ZRANB3: variants seen among roughly 807,000 people sequenced by gnomAD.
ZRANB3 encodes the protein zinc finger RANBP2-type containing 3, also known as DNA annealing helicase and endonuclease ZRANB3.
ZRANB3 carries 125 observed loss-of-function variants against 133.8 expected under a neutral mutation model. That is an observed-to-expected ratio of 0.93 (90% CI 0.81 to 1.08). The LOEUF (loss-of-function observed/expected upper bound fraction) is 1.08. ZRANB3 is among the 50% of genes least tolerant of loss of function. ZRANB3 has a pLI of 0.00. For missense variants in ZRANB3, 1,229 were observed against 1,275.5 expected, an observed-to-expected ratio of 0.96 and a Z score of 0.56; for synonymous variants, 387 against 432.7, an observed-to-expected ratio of 0.89 and a Z score of 1.31.
Position 135,414,684 on chromosome 2 carries a change from A to C in ZRANB3, c.162-23864T>G, listed in dbSNP as rs951193945. Among the ~76,000 whole-genome samples, 5 of 152,276 alleles carry C rather than the reference A, an allele frequency of 3.3e-5. No individual in the cohort carries two copies. The South Asian group carries it at 1.0e-3, about 32-fold the overall frequency. ...CAGCACCACACCACACCTATTCCAA[A>C]ATTGACCACATACTTGGAAGTAAAG... On this transcript the variant is annotated intron_variant, in intron 2 of 20. Transcript: ENST00000264159.
At chr2:135,526,545 G>A (rs956536254) in intron 1 of ZRANB3, among the ~76,000 whole-genome samples, 1 of 152,096 alleles carries the variant, frequency 6.6e-6, no homozygotes, top group Non-Finnish European at 1.5e-5. Context: ...CATCAGGGGG[G>A]TTTTATTTGA....
chr2:135,483,704 A>C (rs1691953818), intron 2 of ZRANB3, among the ~76,000 whole-genome samples: 1 of 152,052 alleles, frequency 6.6e-6, no homozygotes, highest in South Asian at 2.1e-4. Flanking sequence ...TTGTGATGTT[A>C]GGGTGTCAAT....
intron 2 of ZRANB3, among the ~76,000 whole-genome samples, chr2:135,433,751 C>T (rs1411916455): frequency 6.6e-6 from 1 of 152,174 alleles, no homozygotes; most frequent in Non-Finnish European, 1.5e-5. Flanking sequence ...AATACCGGCA[C>T]TTTGGGAGGC....
chr2:135,265,929 G>T (rs1355547090), intron 11 of ZRANB3, among the ~76,000 whole-genome samples: 1 of 152,148 alleles, frequency 6.6e-6, no homozygotes, highest in Non-Finnish European at 1.5e-5. Context: ...CCTGAAACAC[G>T]CCAGGTGCAG....
chr2:135,454,049 C>T (rs1001957137), intron 2 of ZRANB3, among the ~76,000 whole-genome samples: 3 of 152,184 alleles, frequency 2.0e-5, no homozygotes, highest in Admixed American at 1.3e-4. Flanking sequence ...TACATGGTGG[C>T]AGCAAAAGAA....
chr2:135,222,801 T>A (rs148189599), intron 15 of ZRANB3, among the ~76,000 whole-genome samples: 104 of 152,228 alleles, frequency 6.8e-4, no homozygotes, highest in African/African-American at 2.5e-3. Flanking sequence ...TCTTAAAATA[T>A]GCATTTACTC....
intron 8 of ZRANB3, 92 bp from the exon 9 acceptor site, chr2:135,275,847 A>T (rs1680793743): frequency 9.5e-7 from 1 of 1,056,796 alleles, no homozygotes; most frequent in African/African-American, 1.6e-5. Context: ...ATGGCTTGAA[A>T]ATCAGTAAAT....
At chr2:135,219,290 A>C in intron 15 of ZRANB3, 112 bp from the exon 16 acceptor site, 1 of 689,546 alleles carries the variant, frequency 1.5e-6, no homozygotes, top group Non-Finnish European at 2.3e-6. Context: ...CCTAAAAGAA[A>C]AACTGAGGTG....
At chr2:135,419,921 T>G (rs889277628) in intron 2 of ZRANB3, among the ~76,000 whole-genome samples, 6 of 151,538 alleles carry the variant, frequency 4.0e-5, no homozygotes, top group African/African-American at 1.5e-4. Context: ...CTCTGTTTGT[T>G]AGGTTTTGTC....
At chr2:135,241,716 A>G (rs1204640194) in intron 12 of ZRANB3, among the ~76,000 whole-genome samples, 1 of 152,124 alleles carries the variant, frequency 6.6e-6, no homozygotes, top group African/African-American at 2.4e-5. Flanking sequence ...GACTTGTAAC[A>G]TGGTAGGGAT....
chr2:135,249,184 T>C (rs1679242599), intron 12 of ZRANB3, among the ~76,000 whole-genome samples: 1 of 152,220 alleles, frequency 6.6e-6, no homozygotes, highest in Non-Finnish European at 1.5e-5. Context: ...GAAAGCAGTA[T>C]GGCAGTTCTT....
At chr2:135,382,692 T>G (rs1198345465) in intron 3 of ZRANB3, among the ~76,000 whole-genome samples, 3 of 150,932 alleles carry the variant, frequency 2.0e-5, no homozygotes, top group Admixed American at 6.6e-5. Context: ...TATTCAACAT[T>G]CCTAAAGAAA....
chr2:135,320,362 T>A (rs1249604171), intron 6 of ZRANB3, among the ~76,000 whole-genome samples: 1 of 152,228 alleles, frequency 6.6e-6, no homozygotes, highest in Non-Finnish European at 1.5e-5. Context: ...GGACAAAGTA[T>A]AAGCAGTATG....
chr2:135,517,227 A>G (rs959417539), intron 1 of ZRANB3, among the ~76,000 whole-genome samples: 2 of 151,822 alleles, frequency 1.3e-5, no homozygotes, highest in Non-Finnish European at 2.9e-5. Context: ...CATGCTCTTT[A>G]AGCTTGGAGA....
chr2:135,283,036 G>A (rs1681165978), intron 8 of ZRANB3, among the ~76,000 whole-genome samples: 1 of 152,202 alleles, frequency 6.6e-6, no homozygotes, highest in Admixed American at 6.5e-5. Context: ...TATAATCCCA[G>A]CACTTTGGGA....
chr2:135,329,993 T>C (rs1448961357), intron 6 of ZRANB3, among the ~76,000 whole-genome samples: 1 of 152,216 alleles, frequency 6.6e-6, no homozygotes, highest in Non-Finnish European at 1.5e-5. Flanking sequence ...AATCATGTCA[T>C]CTGCAAACAG....
At chr2:135,243,749 G>A (rs1294663703) in intron 12 of ZRANB3, among the ~76,000 whole-genome samples, 1 of 152,056 alleles carries the variant, frequency 6.6e-6, no homozygotes, top group African/African-American at 2.4e-5. Context: ...CTCCTGAGTA[G>A]CTGGGACTAC....
In ZRANB3 at chr2:135,265,569, AACT is replaced by A; in HGVS notation, c.1501_1503del (p.Ser502del). ...AAAGCTTCCTTCCTTAACTCTTCAGAACTGTCATTTGGAGTCCAAGCTTCAGCA... is the reference window on the plus strand; with the variant it reads ...AAAGCTTCCTTCCTTAACTCTTCAGAGTCATTTGGAGTCCAAGCTTCAGCA... On this transcript the variant is annotated inframe_deletion, in exon 12 of 21. Transcript: ENST00000264159. 6.2e-7 allele frequency: 1 copy of A among 1,613,726 alleles called. No individual in the cohort carries two copies. Among genetic ancestry groups the A allele is most frequent in the Non-Finnish European group, 8.5e-7 (1 of 1,179,792 alleles).
intron 2 of ZRANB3, among the ~76,000 whole-genome samples, chr2:135,413,317 T>C (rs1030850351): frequency 1.3e-5 from 2 of 152,332 alleles, no homozygotes; most frequent in South Asian, 4.1e-4. Context: ...GTGGTCTCTT[T>C]AGTGATTAAG....
Sources: allele counts gnomAD v4.1 joint callset (sites outside exome capture counted in the v4.1 genomes callset), GRCh38; gene constraint gnomAD v4.1.1; transcripts MANE v1.5; gene names NCBI Gene and HGNC (gene_info 2026-07-23, HGNC 2026-07-21).